The following SNCAIP variants were observed in gnomAD, a reference collection of about 807,000 sequenced individuals.
SNCAIP encodes synphilin-1.
A neutral mutation model predicts 86.7 loss-of-function variants in SNCAIP; 43 were observed. The observed-to-expected ratio is 0.50, with a 90% CI of 0.39 to 0.64. The LOEUF (loss-of-function observed/expected upper bound fraction) is 0.64. Among genes scored for constraint, SNCAIP ranks in the 30% least tolerant of loss-of-function variants. The pLI, the probability that SNCAIP is intolerant of heterozygous loss-of-function variation, is 0.00. For missense variants in SNCAIP, 981 were observed against 1,103.1 expected (o/e 0.89, Z 1.57); for synonymous variants, 417 against 427.2 (o/e 0.98, Z 0.29).
At chr5:122,332,848 A>T (rs948619533) in intron 1 of SNCAIP, among the ~76,000 whole-genome samples, 2 of 152,242 alleles carry the variant, frequency 1.3e-5, no homozygotes, top group African/African-American at 4.8e-5. Flanking sequence ...AGCAGGGGGC[A>T]GAAAAGAAAG....
At chr5:122,334,989 G>A (rs1192801246) in intron 1 of SNCAIP, among the ~76,000 whole-genome samples, 1 of 152,068 alleles carries the variant, frequency 6.6e-6, no homozygotes, top group Admixed American at 6.6e-5. Context: ...AGATTTAGCC[G>A]GGAGATATTC....
intron 1 of SNCAIP, among the ~76,000 whole-genome samples, chr5:122,362,500 G>C (rs1762387641): frequency 6.6e-6 from 1 of 152,202 alleles, no homozygotes; most frequent in South Asian, 2.1e-4. Flanking sequence ...GAGCTATCTA[G>C]AGGAACTCTG....
At position 122,451,420 on chromosome 5, in the gene SNCAIP, A is replaced by C. The variant is rs765575062; in HGVS notation, c.2573A>C (p.Lys858Thr). The change falls in exon 10 of 11, where the codon AAA becomes ACA. Residue 858 changes from lysine (K) to threonine (T), a missense_variant. Lys to Thr is a moderately conservative substitution (Grantham distance 78). Transcript: ENST00000261368. ...STSNESGDQL[K>T]RPFGAFRSIM... ...AGTAACGAATCGGGGGATCAACTGAAAAGGCCTTTTGGAGCCTTTCGATCT... is the reference window on the plus strand; with the variant it reads ...AGTAACGAATCGGGGGATCAACTGACAAGGCCTTTTGGAGCCTTTCGATCT... 1.2e-6 allele frequency: 2 copies of C among 1,614,018 alleles called. No homozygotes were observed. The highest frequency in any genetic ancestry group is 1.7e-6 in the Non-Finnish European group (2 of 1,180,018).
chr5:122,422,156 C>T lies in SNCAIP; in HGVS notation c.131-712C>T, dbSNP rs7736242. On this transcript the variant is annotated intron_variant, in intron 3 of 10. Coordinates refer to ENST00000261368, the MANE Select transcript of SNCAIP (RefSeq NM_005460.4). ...GTTGTGAAGTGTTAGTGCATTCTGT[C>T]ACTGTGTCATATGTCAGAAAGCACC... Among the ~76,000 whole-genome samples the T allele has an allele frequency of 2.8e-3, 427 of 152,198 alleles. 2 individuals carry two copies. Among genetic ancestry groups the T allele is most frequent in the African/African-American group, 9.9e-3 (413 of 41,510 alleles).
At chr5:122,444,818 C>G in intron 8 of SNCAIP, 86 bp downstream of exon 8, 1 of 1,120,180 alleles carries the variant, frequency 8.9e-7, no homozygotes, top group Non-Finnish European at 1.4e-6. Flanking sequence ...GCTGAGCACT[C>G]TTCTTTCCAG....
intron 8 of SNCAIP, among the ~76,000 whole-genome samples, chr5:122,445,328 T>G (rs529723925): frequency 2.0e-3 from 302 of 152,284 alleles, no homozygotes; most frequent in African/African-American, 6.9e-3. Flanking sequence ...GTTCTTCCCT[T>G]GATAAGATTA....
At chr5:122,368,318 C>G (rs1413066759) in intron 1 of SNCAIP, among the ~76,000 whole-genome samples, 1 of 152,168 alleles carries the variant, frequency 6.6e-6, no homozygotes, top group Non-Finnish European at 1.5e-5. Context: ...TTCTGGGGCT[C>G]TTCCTTTCCA....
At chr5:122,443,450 C>G (rs1781538379) in intron 7 of SNCAIP, 1 of 317,938 alleles carries the variant, frequency 3.1e-6, no homozygotes, top group Non-Finnish European at 6.4e-6. Context: ...CTCTCCACAA[C>G]TAATGATACC....
chr5:122,414,994 G>C (rs1045012622), intron 3 of SNCAIP, among the ~76,000 whole-genome samples: 2 of 152,216 alleles, frequency 1.3e-5, no homozygotes, highest in Non-Finnish European at 2.9e-5. Flanking sequence ...AAAGTATTAA[G>C]TGGAGGACAT....
intron 10 of SNCAIP, 154 bp downstream of exon 10, chr5:122,451,755 T>C (rs1783732798): frequency 1.6e-6 from 1 of 629,582 alleles, no homozygotes; most frequent in Non-Finnish European, 2.8e-6. Flanking sequence ...ATGTGTCTAA[T>C]GAGACATGTC....
At chr5:122,356,618 T>A (rs1049507609) in intron 1 of SNCAIP, among the ~76,000 whole-genome samples, 2 of 152,182 alleles carry the variant, frequency 1.3e-5, no homozygotes, top group East Asian at 3.9e-4. Flanking sequence ...GCACCTTCTT[T>A]CTCTTGGTTC....
upstream of SNCAIP, chr5:122,311,359 C>T (rs540526581): frequency 6.6e-6 from 1 of 152,454 alleles, no homozygotes; most frequent in Admixed American, 6.5e-5. Context: ...CACTTGAGCA[C>T]AGAACATTCC....
At chr5:122,443,981 A>G in intron 7 of SNCAIP, 2 of 427,926 alleles carry the variant, frequency 4.7e-6, no homozygotes, top group South Asian at 1.7e-5. Flanking sequence ...GCTTTCTTCT[A>G]CAAAGCCTGC....
chr5:122,444,690 C>T lies in SNCAIP; in HGVS notation c.1550C>T (p.Ser517Leu). The T allele has an allele frequency of 5.6e-6, 9 of 1,613,936 alleles. No individual in the cohort carries two copies. The highest frequency in any genetic ancestry group is 6.8e-6 in the Non-Finnish European group (8 of 1,179,870). Residue 517 changes from serine to leucine, a missense_variant, in exon 8 of 11, where the codon TCG (serine) becomes TTG (leucine). Ser to Leu is a moderately radical substitution (Grantham distance 145). Transcript: ENST00000261368. Reference sequence around the variant, plus strand: ...CTGGTGGTGGTGGAGACCTGCATGTCGCTGGCCTCTCAAGTGGTGAAGTTA... The same window carrying T: ...CTGGTGGTGGTGGAGACCTGCATGTTGCTGGCCTCTCAAGTGGTGAAGTTA... ...RYLVVVETCMSLASQVVKLTK... is the reference protein window; with the variant it reads ...RYLVVVETCMLLASQVVKLTK...
intron 8 of SNCAIP, among the ~76,000 whole-genome samples, chr5:122,446,170 T>C (rs1782272438): frequency 6.6e-6 from 1 of 152,124 alleles, no homozygotes; most frequent in Admixed American, 6.5e-5. Flanking sequence ...AATGCCTTTA[T>C]GAACATGTAT....
chr5:122,463,391 GA>G, intron 10 of SNCAIP, 99 bp from the exon 11 acceptor site: 1 of 761,594 alleles, frequency 1.3e-6, no homozygotes, highest in South Asian at 1.4e-5. Context: ...TGGTTTGTGT[GA>G]GGATAATTTC....
intron 10 of SNCAIP, among the ~76,000 whole-genome samples, chr5:122,455,762 G>C (rs964548387): frequency 6.6e-6 from 1 of 152,124 alleles, no homozygotes; most frequent in African/African-American, 2.4e-5. Flanking sequence ...TCTGTTTGCT[G>C]TTTATTTTTC....
chr5:122,347,405 T>C (rs1299532660), intron 1 of SNCAIP, among the ~76,000 whole-genome samples: 1 of 151,668 alleles, frequency 6.6e-6, no homozygotes, highest in Non-Finnish European at 1.5e-5. Flanking sequence ...CCTTTTTTTT[T>C]TTTTTTTCTT....
chr5:122,384,375 T>C (rs1202273844), intron 1 of SNCAIP, among the ~76,000 whole-genome samples: 1 of 151,866 alleles, frequency 6.6e-6, no homozygotes, highest in Admixed American at 6.6e-5. Context: ...AGCTAAAAAA[T>C]GTGAAGATGA....
Sources: gnomAD v4.1 joint callset for allele counts (sites outside exome capture counted in the v4.1 genomes callset) on GRCh38, gnomAD v4.1.1 for gene constraint, MANE v1.5 for transcripts, NCBI Gene and HGNC (gene_info 2026-07-23, HGNC 2026-07-21) for gene names.